GRM3: variants seen among roughly 807,000 people sequenced by gnomAD.
GRM3 encodes the protein metabotropic glutamate receptor 3.
A neutral mutation model predicts 70.5 loss-of-function variants in GRM3; 26 were observed. The ratio of observed to expected loss-of-function variants is 0.37; its 90% CI spans 0.27 to 0.51. The LOEUF is 0.51. Ranked by LOEUF, GRM3 falls within the 20% of genes least tolerant of loss-of-function variation. GRM3 has a pLI of 0.93. For synonymous variants in GRM3, 443 were observed against 434.9 expected (o/e 1.02, Z -0.23); for missense variants, 859 against 1,123.8 (o/e 0.76, Z 3.37).
At chr7:86,851,638 C>T (rs1184357324) in intron 5 of GRM3, among the ~76,000 whole-genome samples, 1 of 152,084 alleles carries the variant, frequency 6.6e-6, no homozygotes, top group African/African-American at 2.4e-5. Flanking sequence ...ATTTCTCTAC[C>T]AAAGTACAGA....
chr7:86,690,900 A>G lies in GRM3; in HGVS notation c.-141+46028A>G, dbSNP rs1794681440. Among the ~76,000 whole-genome samples the G allele has an allele frequency of 3.3e-5, 5 of 152,302 alleles. No individual in the cohort carries two copies. The South Asian group carries it at 1.0e-3, about 32-fold the overall frequency. On this transcript the variant is annotated intron_variant, in intron 1 of 5. Transcript: ENST00000361669. ...AAAGAGCATATTCATAATTATAGATATTTGTTATGTTTAAGATTTGCCTGG... is the reference window on the plus strand; with the variant it reads ...AAAGAGCATATTCATAATTATAGATGTTTGTTATGTTTAAGATTTGCCTGG...
At chr7:86,700,678 A>G (rs1794927440) in intron 1 of GRM3, among the ~76,000 whole-genome samples, 2 of 151,994 alleles carry the variant, frequency 1.3e-5, no homozygotes, top group African/African-American at 4.8e-5. Context: ...GAAGCCAGAA[A>G]GAGAAATACT....
intron 5 of GRM3, among the ~76,000 whole-genome samples, chr7:86,856,979 T>C (rs1046737845): frequency 6.6e-6 from 1 of 152,056 alleles, no homozygotes; most frequent in Non-Finnish European, 1.5e-5. Flanking sequence ...CTAGATACTT[T>C]AGGAATTTGA....
intron 1 of GRM3, among the ~76,000 whole-genome samples, chr7:86,702,064 T>C (rs567690918): frequency 1.3e-5 from 2 of 152,008 alleles, no homozygotes; most frequent in Admixed American, 6.6e-5. Flanking sequence ...TTTTTATTTA[T>C]TTATTTCGTT....
At chr7:86,815,163 A>G (rs995206778) in intron 3 of GRM3, among the ~76,000 whole-genome samples, 1 of 151,546 alleles carries the variant, frequency 6.6e-6, no homozygotes, top group Admixed American at 6.6e-5. Context: ...AAGGAGGGGG[A>G]ACGGGAAAAA....
intron 2 of GRM3, chr7:86,784,538 T>G (rs1159918008): frequency 6.6e-6 from 1 of 152,190 alleles, no homozygotes; most frequent in African/African-American, 2.4e-5. Flanking sequence ...CAGGCACTCA[T>G]TCTAGAAGTA....
intron 1 of GRM3, among the ~76,000 whole-genome samples, chr7:86,703,764 G>A (rs893913145): frequency 6.6e-6 from 1 of 151,914 alleles, no homozygotes; most frequent in Admixed American, 6.6e-5. Context: ...GAGTTCCATT[G>A]AGTGTGTTCC....
chr7:86,648,127 A>T (rs1793520344), intron 1 of GRM3, among the ~76,000 whole-genome samples: 1 of 152,196 alleles, frequency 6.6e-6, no homozygotes, highest in Admixed American at 6.5e-5. Context: ...AAAGATGGCA[A>T]TTCTATGTCC....
At chr7:86,745,548 A>G (rs1467863574) in intron 1 of GRM3, among the ~76,000 whole-genome samples, 3 of 152,126 alleles carry the variant, frequency 2.0e-5, no homozygotes, top group South Asian at 2.1e-4. Context: ...GAAGCCACAT[A>G]GTCTCACTAA....
At chr7:86,806,985 C>T (rs561171800) in intron 3 of GRM3, among the ~76,000 whole-genome samples, 115 of 137,240 alleles carry the variant, frequency 8.4e-4, no homozygotes, top group African/African-American at 3.3e-3. Flanking sequence ...TTTCCCAGCA[C>T]CATTTATTAA....
At chr7:86,653,735 G>A (rs1584140349) in intron 1 of GRM3, among the ~76,000 whole-genome samples, 1 of 151,744 alleles carries the variant, frequency 6.6e-6, no homozygotes, top group East Asian at 1.9e-4. Context: ...GGTATTTGAA[G>A]AAGTTACTGA....
chr7:86,672,304 A>G (rs943667170), intron 1 of GRM3, among the ~76,000 whole-genome samples: 4 of 152,122 alleles, frequency 2.6e-5, no homozygotes, highest in Non-Finnish European at 5.9e-5. Flanking sequence ...CCTCTATTCC[A>G]CAGATACTGC....
chr7:86,830,121 C>T (rs1798321852), intron 3 of GRM3, among the ~76,000 whole-genome samples: 1 of 151,888 alleles, frequency 6.6e-6, no homozygotes, highest in Admixed American at 6.5e-5. Context: ...ATCTGTGACT[C>T]TCTGCCAGAG....
chr7:86,827,801 C>T (rs1279555869), intron 3 of GRM3, among the ~76,000 whole-genome samples: 1 of 152,112 alleles, frequency 6.6e-6, no homozygotes, highest in Admixed American at 6.5e-5. Context: ...ACCACGCCCA[C>T]TGTCAAATTT....
chr7:86,805,761 G>A (rs1797776992), intron 3 of GRM3, among the ~76,000 whole-genome samples: 1 of 151,850 alleles, frequency 6.6e-6, no homozygotes, highest in African/African-American at 2.4e-5. Flanking sequence ...TTATTATTAT[G>A]ATTATATTTT....
chr7:86,757,375 T>C (rs1796370260), intron 1 of GRM3, among the ~76,000 whole-genome samples: 1 of 152,226 alleles, frequency 6.6e-6, no homozygotes. Context: ...AGTTTCATTC[T>C]TTATAAGGAC....
At chr7:86,847,224 G>A (rs563104196) in intron 4 of GRM3, among the ~76,000 whole-genome samples, 2 of 152,276 alleles carry the variant, frequency 1.3e-5, no homozygotes, top group South Asian at 4.1e-4. Context: ...TGGAACAAAG[G>A]CAGTCAGAGC....
At chr7:86,830,225 T>C (rs1798323896) in intron 3 of GRM3, among the ~76,000 whole-genome samples, 1 of 151,946 alleles carries the variant, frequency 6.6e-6, no homozygotes, top group African/African-American at 2.4e-5. Flanking sequence ...CAAATGAGAG[T>C]TGTCCCATCC....
intron 1 of GRM3, among the ~76,000 whole-genome samples, chr7:86,716,147 A>G (rs1241587389): frequency 6.6e-6 from 1 of 152,014 alleles, no homozygotes; most frequent in Admixed American, 6.6e-5. Flanking sequence ...TGTATTCCCA[A>G]TGTCATCTAG....
Sources: allele counts gnomAD v4.1 joint callset (sites outside exome capture counted in the v4.1 genomes callset), GRCh38; gene constraint gnomAD v4.1.1; transcripts MANE v1.5; gene names NCBI Gene and HGNC (gene_info 2026-07-23, HGNC 2026-07-21).